VCL: variants seen among roughly 807,000 people sequenced by gnomAD.
VCL encodes the protein vinculin, also known as epididymis luminal protein 114.
A neutral mutation model predicts 125.7 loss-of-function variants in VCL; 47 were observed. The observed-to-expected ratio is 0.37, with a 90% confidence interval of 0.30 to 0.48. VCL has a LOEUF of 0.48. VCL is among the 20% of genes least tolerant of loss of function. The probability of loss-of-function intolerance (pLI) is 0.99; values close to 1 mark genes in which losing one functional copy is unlikely to be tolerated. For synonymous variants in VCL, 458 were observed against 514.6 expected, an observed-to-expected ratio of 0.89 and a Z score of 1.49; for missense variants, 1,069 against 1,455.5, an observed-to-expected ratio of 0.73 and a Z score of 4.32.
At chr10:74,057,535 C>T (rs1841408742) in intron 2 of VCL, among the ~76,000 whole-genome samples, 1 of 152,132 alleles carries the variant, frequency 6.6e-6, no homozygotes, top group Non-Finnish European at 1.5e-5. Flanking sequence ...TACCCCAAAC[C>T]CCTGTCTTCT....
chr10:74,063,963 C>T (rs1841521949), intron 2 of VCL: 1 of 152,082 alleles, frequency 6.6e-6, no homozygotes, highest in South Asian at 2.1e-4. Flanking sequence ...ACTAACTATC[C>T]AGAGTTAGTG....
At chr10:74,117,689 C>CAAGTGAGCAAAGATCTGAAGGTGAGG (rs1318743107) in intron 21 of VCL, among the ~76,000 whole-genome samples, 1 of 152,144 alleles carries the variant, frequency 6.6e-6, no homozygotes, top group Non-Finnish European at 1.5e-5. Flanking sequence ...ACCAAGGTGA[C>CAAGTGAGCAAAGATCTGAAGGTGAGG]AAGTGAGCAA....
At chr10:74,079,508 GT>G (rs2136278396) in intron 6 of VCL, among the ~76,000 whole-genome samples, 2 of 152,170 alleles carry the variant, frequency 1.3e-5, no homozygotes, top group South Asian at 4.1e-4. Flanking sequence ...TAGCAAAATG[GT>G]TTGTGGTACA....
intron 6 of VCL, 61 bp downstream of exon 6, chr10:74,074,964 A>G: frequency 6.2e-7 from 1 of 1,601,710 alleles, no homozygotes; most frequent in South Asian, 1.1e-5. Flanking sequence ...GGGGGTTTTG[A>G]TTGGCACCTG....
chr10:74,021,464 A>C (rs1840665796), intron 1 of VCL, among the ~76,000 whole-genome samples: 1 of 152,148 alleles, frequency 6.6e-6, no homozygotes, highest in South Asian at 2.1e-4. Context: ...AAAACTTCCG[A>C]AGGCAATGAT....
chr10:74,010,293 G>A (rs1403096862), intron 1 of VCL, among the ~76,000 whole-genome samples: 1 of 152,074 alleles, frequency 6.6e-6, no homozygotes, highest in African/African-American at 2.4e-5. Context: ...TGTAAGTAGG[G>A]AATTTTGTTC....
At chr10:74,090,000 T>A (rs1290476093) in intron 9 of VCL, 23 bp from the exon 10 acceptor site, 1 of 1,614,038 alleles carries the variant, frequency 6.2e-7, no homozygotes, top group African/African-American at 1.3e-5. Flanking sequence ...CACAGCGTGC[T>A]GCTTCTCCGT....
chr10:74,114,972 G>C (rs1055614769), intron 21 of VCL, 73 bp downstream of exon 21: 1 of 1,413,478 alleles, frequency 7.1e-7, no homozygotes, highest in African/African-American at 1.4e-5. Context: ...CTCTGCTTTG[G>C]GGAAATTTTA....
chr10:74,111,675 C>T (rs1840220921), intron 18 of VCL, among the ~76,000 whole-genome samples: 2 of 152,142 alleles, frequency 1.3e-5, no homozygotes, highest in Admixed American at 6.5e-5. Context: ...AAGCCCTTTG[C>T]CATTGGAGTG....
At chr10:74,030,330 A>T (rs1456686367) in intron 1 of VCL, among the ~76,000 whole-genome samples, 1 of 152,234 alleles carries the variant, frequency 6.6e-6, no homozygotes, top group Admixed American at 6.5e-5. Context: ...TTTAATGTGA[A>T]ATTTCTCATG....
chr10:74,003,818 CA>C (rs1400065127), intron 1 of VCL, among the ~76,000 whole-genome samples: 5 of 152,126 alleles, frequency 3.3e-5, no homozygotes, highest in African/African-American at 1.2e-4. Context: ...CTCCTGGGCC[CA>C]ACAGATCCTC....
intron 1 of VCL, among the ~76,000 whole-genome samples, chr10:74,025,488 T>C (rs1046494969): frequency 5.3e-5 from 8 of 151,438 alleles, no homozygotes; most frequent in South Asian, 2.1e-4. Context: ...GTGGTGTGCG[T>C]CTATAGTTCC....
Position 74,105,371 on chromosome 10 carries a change from C to G in VCL, c.2434+18C>G, listed in dbSNP as rs1285930092. On this transcript the variant is annotated intron_variant, in intron 16 of 21. Coordinates refer to ENST00000211998, the MANE Select transcript of VCL (RefSeq NM_014000.3). ...CGACCCTGGTAAGCAATGCATGGCA[C>G]TATGTCTCACCTCCACTGAGAGGTT... 6.2e-7 allele frequency: 1 copy of G among 1,611,964 alleles called. No individual in the cohort carries two copies. The highest frequency in any genetic ancestry group is 8.5e-7 in the Non-Finnish European group (1 of 1,179,870).
intron 10 of VCL, among the ~76,000 whole-genome samples, chr10:74,091,791 CAA>C (rs545539526): frequency 4.9e-5 from 3 of 61,104 alleles, no homozygotes; most frequent in Non-Finnish European, 9.0e-5. Flanking sequence ...TCTGTCTCAG[CAA>C]AAAAAAAAAA....
chr10:74,108,139 C>T (rs1312325672), intron 17 of VCL, among the ~76,000 whole-genome samples: 1 of 152,184 alleles, frequency 6.6e-6, no homozygotes, highest in African/African-American at 2.4e-5. Flanking sequence ...CAGTGTTTCC[C>T]AGCCTTCAAC....
At chr10:74,029,815 TTG>T (rs1840841595) in intron 1 of VCL, among the ~76,000 whole-genome samples, 1 of 152,280 alleles carries the variant, frequency 6.6e-6, no homozygotes, top group Middle Eastern at 3.4e-3. Context: ...AGAATTTAAT[TTG>T]TGTTTTTTTC....
chr10:74,018,062 G>C (rs1025033886), intron 1 of VCL, among the ~76,000 whole-genome samples: 1 of 150,388 alleles, frequency 6.6e-6, no homozygotes, highest in Non-Finnish European at 1.5e-5. Flanking sequence ...GGGAGGCTGA[G>C]GTGGGAGGAT....
intron 1 of VCL, among the ~76,000 whole-genome samples, chr10:74,001,616 G>A (rs909723135): frequency 2.6e-5 from 4 of 152,184 alleles, no homozygotes; most frequent in African/African-American, 9.7e-5. Context: ...CTGGACTTGC[G>A]AGTGGCAGGG....
chr10:74,107,484 G>T, intron 17 of VCL, 130 bp downstream of exon 17: 1 of 1,459,290 alleles, frequency 6.9e-7, no homozygotes. Context: ...AGCTTAGTGG[G>T]AGGCAGATCT....
Sources: gnomAD v4.1 joint callset for allele counts (sites outside exome capture counted in the v4.1 genomes callset) on GRCh38, gnomAD v4.1.1 for gene constraint, MANE v1.5 for transcripts, NCBI Gene and HGNC (gene_info 2026-07-23, HGNC 2026-07-21) for gene names.